The following KATNAL2 variants were observed in gnomAD, a reference collection of about 807,000 sequenced individuals.
KATNAL2 encodes the protein katanin p60 ATPase-containing subunit A-like 2.
A neutral mutation model predicts 76.3 loss-of-function variants in KATNAL2; 52 were observed. That is an observed-to-expected ratio of 0.68 (90% CI 0.55 to 0.86). KATNAL2 has a LOEUF of 0.86. Ranked by LOEUF, KATNAL2 falls within the 40% of genes least tolerant of loss-of-function variation. KATNAL2 has a pLI of 0.00. For synonymous variants in KATNAL2, 243 were observed against 244.2 expected (o/e 1.00, Z 0.05); for missense variants, 660 against 668.9 (o/e 0.99, Z 0.15).
intron 1 of KATNAL2, among the ~76,000 whole-genome samples, chr18:46,925,293 T>G (rs1052430268): frequency 1.3e-5 from 2 of 152,054 alleles, no homozygotes; most frequent in Non-Finnish European, 2.9e-5. Flanking sequence ...TAGCATGAAG[T>G]GTTGTTGAAT....
Position 47,100,873 on chromosome 18 carries a change from C to T in KATNAL2, c.1485C>T (p.Ser495=), listed in dbSNP as rs1336974983. Residue 495 remains serine (S), a synonymous_variant, in exon 18 of 18, where the codon AGC becomes AGT. Transcript: ENST00000683218. ...DALENHQSES[S]DLPRIQLDIV... is the part of the protein sequence containing the mutation. ...GTTGTGTTCTTATCCTAGAAAGCAG[C>T]GACTTACCCAGGATCCAGTTGGATA... 4.3e-6 allele frequency: 7 copies of T among 1,613,984 alleles called. No individual in the cohort carries two copies. In the Admixed American group the frequency reaches 8.3e-5, roughly 19 times the overall value.
intron 13 of KATNAL2, among the ~76,000 whole-genome samples, chr18:47,073,453 T>C (rs939929163): frequency 6.6e-6 from 1 of 152,234 alleles, no homozygotes; most frequent in African/African-American, 2.4e-5. Flanking sequence ...CATTTTCTCT[T>C]TATTTTCTGA....
intron 1 of KATNAL2, among the ~76,000 whole-genome samples, chr18:46,929,270 T>G (rs980357931): frequency 7.3e-5 from 11 of 151,624 alleles, no homozygotes; most frequent in Non-Finnish European, 1.6e-4. Context: ...TGAGACAGAG[T>G]CTCACTCTGT....
chr18:47,033,201 C>G (rs746310172), intron 3 of KATNAL2: 3 of 1,614,000 alleles, frequency 1.9e-6, no homozygotes, highest in African/African-American at 1.3e-5. Context: ...CGCTGCTGCT[C>G]TGGCTGGAGG....
At chr18:46,946,751 G>T (rs777620835) in intron 2 of KATNAL2, 103 bp from the exon 3 acceptor site, 5 of 1,193,844 alleles carry the variant, frequency 4.2e-6, no homozygotes, top group Non-Finnish European at 4.7e-6. Flanking sequence ...TGGCGGGCGT[G>T]TCTGGGCTCT....
intron 10 of KATNAL2, among the ~76,000 whole-genome samples, chr18:47,064,714 C>A (rs1194151774): frequency 6.6e-6 from 1 of 152,122 alleles, no homozygotes; most frequent in African/African-American, 2.4e-5. Context: ...GAGGATAGAA[C>A]TATAGAGTGG....
At chr18:47,033,115 C>T in intron 3 of KATNAL2, 1 of 1,614,124 alleles carries the variant, frequency 6.2e-7, no homozygotes, top group South Asian at 1.1e-5. Context: ...GTGCTCATTG[C>T]TGCTGCTCAG....
At chr18:47,031,623 T>C (rs1367109906) in intron 3 of KATNAL2, among the ~76,000 whole-genome samples, 1 of 152,192 alleles carries the variant, frequency 6.6e-6, no homozygotes, top group Non-Finnish European at 1.5e-5. Context: ...AGTGTAATAC[T>C]GGCAATTCTT....
intron 1 of KATNAL2, among the ~76,000 whole-genome samples, chr18:46,919,827 G>A (rs1351290577): frequency 1.3e-5 from 2 of 152,008 alleles, no homozygotes; most frequent in Admixed American, 6.6e-5. Flanking sequence ...TGTGATCTTC[G>A]CTTGGCTTAT....
At chr18:47,034,986 G>C (rs375777863) in intron 3 of KATNAL2, 1 of 1,611,468 alleles carries the variant, frequency 6.2e-7, no homozygotes, top group African/African-American at 1.3e-5. Flanking sequence ...GTCGGGAAGC[G>C]CTCTCCTCAG....
chr18:47,038,279 C>T (rs556725426), intron 3 of KATNAL2, among the ~76,000 whole-genome samples: 8 of 152,230 alleles, frequency 5.3e-5, no homozygotes, highest in African/African-American at 1.9e-4. Context: ...TCTTATTTAT[C>T]CTGATTAACT....
chr18:47,077,749 C>T (rs2062306224), intron 15 of KATNAL2, among the ~76,000 whole-genome samples: 1 of 152,090 alleles, frequency 6.6e-6, no homozygotes, highest in Non-Finnish European at 1.5e-5. Flanking sequence ...AGGACTTTGG[C>T]ATAGAACTAC....
chr18:46,946,336 A>G lies in KATNAL2; in HGVS notation c.-230A>G. The G allele has an allele frequency of 9.7e-7, 1 of 1,030,804 alleles. No homozygotes were observed. The highest frequency in any genetic ancestry group is 1.2e-6 in the Non-Finnish European group (1 of 855,170). 63.9% of individuals were successfully genotyped at this position (1,030,804 alleles called of 1,614,324 possible). On this transcript the variant is annotated 5_prime_UTR_variant, in exon 2 of 18. Coordinates refer to ENST00000683218, the MANE Select transcript of KATNAL2 (RefSeq NM_001387690.1). ...TTTGGTGATGCACAGTTTGCATCCC[A>G]GAAGGCTCTTGACAACCAAAGTGTC... is the stretch of plus-strand genomic sequence containing the variant.
chr18:47,066,381 G>C (rs902725047), intron 10 of KATNAL2, among the ~76,000 whole-genome samples: 1 of 152,250 alleles, frequency 6.6e-6, no homozygotes, highest in South Asian at 2.1e-4. Flanking sequence ...ATCCTAGATG[G>C]TTGCTACAGG....
At chr18:46,966,228 GT>G (rs2060131172) in intron 3 of KATNAL2, among the ~76,000 whole-genome samples, 1 of 128,796 alleles carries the variant, frequency 7.8e-6, no homozygotes, top group Non-Finnish European at 1.7e-5. Flanking sequence ...CCTGAATGAG[GT>G]TTATCTTGTA....
rs373113883 is a variant in KATNAL2 at position 47,048,060 on chromosome 18, A to C, written c.122+1533A>C. 2.7e-4 allele frequency among the ~76,000 whole-genome samples: 41 copies of C among 152,324 alleles called. 1 individual carries two copies. The East Asian group carries it at 4.8e-3, about 18-fold the overall frequency. Reference sequence around the variant, plus strand: ...CCTTGGGAGATATTTGGCACTGCTTAGAGGTCTTTTTGGCTGTCACACTGG... The same window carrying C: ...CCTTGGGAGATATTTGGCACTGCTTCGAGGTCTTTTTGGCTGTCACACTGG... On this transcript the variant is annotated intron_variant, in intron 4 of 17. Transcript: ENST00000683218.
At chr18:47,041,106 G>A (rs1173939230) in intron 3 of KATNAL2, among the ~76,000 whole-genome samples, 1 of 152,120 alleles carries the variant, frequency 6.6e-6, no homozygotes, top group Non-Finnish European at 1.5e-5. Flanking sequence ...ACAAAGTATA[G>A]AGAATTCCCA....
At chr18:46,932,132 C>T (rs989775908) in intron 1 of KATNAL2, among the ~76,000 whole-genome samples, 44 of 151,796 alleles carry the variant, frequency 2.9e-4, no homozygotes, top group Non-Finnish European at 5.9e-4. Flanking sequence ...AGGATGGTCT[C>T]GATCTCCTGA....
intron 4 of KATNAL2, among the ~76,000 whole-genome samples, chr18:47,051,757 T>C (rs2061346891): frequency 6.6e-6 from 1 of 152,188 alleles, no homozygotes; most frequent in South Asian, 2.1e-4. Context: ...AAAATAATCA[T>C]GGCATCTTCT....
Sources: allele counts gnomAD v4.1 joint callset (sites outside exome capture counted in the v4.1 genomes callset), GRCh38; gene constraint gnomAD v4.1.1; transcripts MANE v1.5; gene names NCBI Gene and HGNC (gene_info 2026-07-23, HGNC 2026-07-21).